The following CSGALNACT1 variants were observed in gnomAD, a reference collection of about 807,000 sequenced individuals.
CSGALNACT1 encodes the protein beta4GalNAcT-1.
Under a neutral mutation model 51.0 loss-of-function variants are expected in CSGALNACT1, and 52 were observed. The observed-to-expected ratio is 1.02, with a 90% CI of 0.82 to 1.29. CSGALNACT1 has a LOEUF of 1.29. Ranked by LOEUF, CSGALNACT1 falls within the 50% of genes most tolerant of loss-of-function variation. CSGALNACT1 has a pLI of 0.00. For missense variants in CSGALNACT1, 935 were observed against 679.2 expected (o/e 1.38, Z -4.19); for synonymous variants, 341 against 254.4 (o/e 1.34, Z -3.24).
intron 3 of CSGALNACT1, among the ~76,000 whole-genome samples, chr8:19,542,583 G>C (rs1279911758): frequency 6.6e-6 from 1 of 152,090 alleles, no homozygotes; most frequent in African/African-American, 2.4e-5. Context: ...ACCAAAACAA[G>C]AGATGATGAT....
At chr8:19,574,553 G>C (rs1031842951) in intron 3 of CSGALNACT1, among the ~76,000 whole-genome samples, 1 of 152,152 alleles carries the variant, frequency 6.6e-6, no homozygotes, top group Non-Finnish European at 1.5e-5. Flanking sequence ...TAACAGGGCA[G>C]CCACACATAT....
chr8:19,737,988 G>C (rs1304940761), intron 1 of CSGALNACT1, among the ~76,000 whole-genome samples: 5 of 152,188 alleles, frequency 3.3e-5, no homozygotes, highest in Non-Finnish European at 7.3e-5. Context: ...TGCATAACAT[G>C]AATGTATTTA....
At chr8:19,753,499 C>A (rs1004978497) in intron 1 of CSGALNACT1, among the ~76,000 whole-genome samples, 1 of 152,160 alleles carries the variant, frequency 6.6e-6, no homozygotes, top group African/African-American at 2.4e-5. Context: ...ATGGGCTAAA[C>A]TTTTCTCTGT....
chr8:19,637,181 G>A (rs917108779), intron 1 of CSGALNACT1, among the ~76,000 whole-genome samples: 2 of 152,112 alleles, frequency 1.3e-5, no homozygotes, highest in African/African-American at 2.4e-5. Flanking sequence ...ACTCCAGCCT[G>A]GGCGATAGAG....
intron 3 of CSGALNACT1, among the ~76,000 whole-genome samples, chr8:19,557,744 A>G (rs2039789367): frequency 6.6e-6 from 1 of 152,066 alleles, no homozygotes. Flanking sequence ...TCTTCTTGCC[A>G]CTTCTTCATA....
At chr8:19,566,770 G>T (rs1272665459) in intron 3 of CSGALNACT1, among the ~76,000 whole-genome samples, 2 of 152,128 alleles carry the variant, frequency 1.3e-5, no homozygotes, top group Middle Eastern at 3.2e-3. Context: ...CTCCTTCAGG[G>T]TTAAAGGGAT....
exon 1 of CSGALNACT1, chr8:19,602,290 C>T (rs182329642): frequency 6.4e-6 from 1 of 156,484 alleles, no homozygotes; most frequent in African/African-American, 2.4e-5. Flanking sequence ...GTGCTGCCCC[C>T]CTCTGCAAGG....
At chr8:19,610,342 T>C (rs1046668555) in intron 1 of CSGALNACT1, among the ~76,000 whole-genome samples, 1 of 131,514 alleles carries the variant, frequency 7.6e-6, no homozygotes. Context: ...AAGTGCTGGG[T>C]AGAGGTGAAG....
In CSGALNACT1 at chr8:19,613,864, T is replaced by C. The variant is rs58944821; in HGVS notation, c.-543-11999A>G. The stretch of plus-strand genomic sequence containing the variant: ...TGTATTTATTTTAGGGTGATTTTAT[T>C]TGGGGAGAACACTTGTATACCAGTG... On this transcript the variant is annotated intron_variant, in intron 1 of 9. Transcript: ENST00000332246. Among the ~76,000 whole-genome samples the C allele has an allele frequency of 9.4e-3, 1,431 of 152,322 alleles. 19 individuals carry two copies. Among genetic ancestry groups the C allele is most frequent in the African/African-American group, 0.032 (1,338 of 41,558 alleles).
intron 3 of CSGALNACT1, among the ~76,000 whole-genome samples, chr8:19,541,741 A>G (rs2085219665): frequency 6.6e-6 from 1 of 151,574 alleles, no homozygotes; most frequent in Admixed American, 6.6e-5. Context: ...TACTATTGTT[A>G]GTTTGGCTTT....
At chr8:19,417,671 C>G (rs571913459) in intron 8 of CSGALNACT1, among the ~76,000 whole-genome samples, 1 of 152,296 alleles carries the variant, frequency 6.6e-6, no homozygotes, top group East Asian at 1.9e-4. Context: ...TAGCAAGAGG[C>G]AGAGCTACCC....
intron 3 of CSGALNACT1, among the ~76,000 whole-genome samples, chr8:19,560,819 C>T (rs1414609889): frequency 6.6e-6 from 1 of 152,198 alleles, no homozygotes; most frequent in Non-Finnish European, 1.5e-5. Flanking sequence ...TAGAGAAAGG[C>T]ATGCTGGTAT....
At chr8:19,628,760 C>A (rs952343118) in intron 1 of CSGALNACT1, among the ~76,000 whole-genome samples, 2 of 151,858 alleles carry the variant, frequency 1.3e-5, no homozygotes, top group African/African-American at 4.8e-5. Context: ...GGATTACATG[C>A]ATGACCACTG....
chr8:19,697,464 A>T (rs1326578640), intron 1 of CSGALNACT1, among the ~76,000 whole-genome samples: 2 of 152,168 alleles, frequency 1.3e-5, no homozygotes, highest in Admixed American at 1.3e-4. Flanking sequence ...TCACATTAGC[A>T]CCTGGGGAAA....
intron 1 of CSGALNACT1, among the ~76,000 whole-genome samples, chr8:19,754,904 G>A (rs1421587731): frequency 6.6e-6 from 1 of 152,158 alleles, no homozygotes; most frequent in Non-Finnish European, 1.5e-5. Context: ...AGGTAATAAA[G>A]TCTACCCTAG....
chr8:19,724,908 G>A (rs1242124654), intron 1 of CSGALNACT1, among the ~76,000 whole-genome samples: 1 of 152,150 alleles, frequency 6.6e-6, no homozygotes, highest in Admixed American at 6.5e-5. Flanking sequence ...TCTTTGGCTG[G>A]TGATGGATGA....
intron 4 of CSGALNACT1, among the ~76,000 whole-genome samples, chr8:19,461,691 G>A (rs1378473872): frequency 1.7e-4 from 21 of 124,930 alleles, no homozygotes; most frequent in African/African-American, 5.2e-4. Flanking sequence ...TTCACCATGG[G>A]GGGCGTATCC....
intron 1 of CSGALNACT1, among the ~76,000 whole-genome samples, chr8:19,716,088 A>G (rs2062789366): frequency 6.6e-6 from 1 of 152,206 alleles, no homozygotes; most frequent in Admixed American, 6.5e-5. Flanking sequence ...CCCAGAAACC[A>G]AGGAAATGGC....
At chr8:19,512,698 C>T (rs965422138) in intron 3 of CSGALNACT1, among the ~76,000 whole-genome samples, 1 of 152,152 alleles carries the variant, frequency 6.6e-6, no homozygotes, top group Non-Finnish European at 1.5e-5. Flanking sequence ...ACACAACCTG[C>T]AAGATATAGA....
Sources: gnomAD v4.1 joint callset for allele counts (sites outside exome capture counted in the v4.1 genomes callset) on GRCh38, gnomAD v4.1.1 for gene constraint, MANE v1.5 for transcripts, NCBI Gene and HGNC (gene_info 2026-07-23, HGNC 2026-07-21) for gene names.